The following SMCHD1 variants were observed in gnomAD, a reference collection of about 807,000 sequenced individuals.
SMCHD1 encodes structural maintenance of chromosomes flexible hinge domain-containing protein 1.
In SMCHD1, 78 loss-of-function variants were observed where a neutral mutation model predicts 254.7. The ratio of observed to expected loss-of-function variants is 0.31; its 90% CI spans 0.26 to 0.37. The LOEUF is 0.37. Among genes scored for constraint, SMCHD1 ranks in the 10% least tolerant of loss-of-function variants. The pLI is 1.00. For synonymous variants in SMCHD1, 766 were observed against 794.9 expected (o/e 0.96, Z 0.61); for missense variants, 1,840 against 2,408.1 (o/e 0.76, Z 4.94).
intron 45 of SMCHD1, among the ~76,000 whole-genome samples, chr18:2,793,037 A>G (rs1030411161): frequency 2.0e-5 from 3 of 152,212 alleles, no homozygotes; most frequent in Admixed American, 6.5e-5. Context: ...TTTCCCAGTC[A>G]TAAGTGCTTA....
At chr18:2,761,076 A>G (rs1251801084) in intron 35 of SMCHD1, among the ~76,000 whole-genome samples, 1 of 152,234 alleles carries the variant, frequency 6.6e-6, no homozygotes, top group East Asian at 1.9e-4. Flanking sequence ...TATTTCACAC[A>G]GCCATAACAA....
chr18:2,696,752 G>T (rs2074293914), intron 8 of SMCHD1, among the ~76,000 whole-genome samples: 1 of 152,178 alleles, frequency 6.6e-6, no homozygotes, highest in Admixed American at 6.5e-5. Flanking sequence ...GGTCTTTGAA[G>T]TTGGAAAGGT....
At chr18:2,728,299 GGATGAAACT>G in intron 22 of SMCHD1, 149 bp from the exon 23 acceptor site, 2 of 662,490 alleles carry the variant, frequency 3.0e-6, no homozygotes, top group East Asian at 5.8e-5. Flanking sequence ...GTGCATTTTG[GGATGAAACT>G]GATTAAGCAT....
At position 2,732,294 on chromosome 18, in the gene SMCHD1, G is replaced by A. The variant is rs2075156472; in HGVS notation, c.3078G>A (p.Lys1026=). The change falls in exon 25 of 48, where the codon AAG becomes AAA. Residue 1026 remains lysine, a synonymous_variant. Transcript: ENST00000320876. Reference sequence around the variant, plus strand: ...GTAAAGATGTGGCACCTGTGGAGAAGACTATTAAGTTGCTTCCCAGTAGCC... The same window carrying A: ...GTAAAGATGTGGCACCTGTGGAGAAAACTATTAAGTTGCTTCCCAGTAGCC... The part of the protein sequence containing the change: ...PSCKDVAPVE[K]TIKLLPSSHV... 1.2e-6 allele frequency: 2 copies of A among 1,613,564 alleles called. No homozygotes were observed. Among genetic ancestry groups the A allele is most frequent in the Non-Finnish European group, 8.5e-7 (1 of 1,179,742 alleles).
chr18:2,802,672 A>T lies in SMCHD1; in HGVS notation c.*120A>T. 1.2e-6 allele frequency: 1 copy of T among 836,984 alleles called. No homozygotes were observed. The highest frequency in any genetic ancestry group is 2.3e-5 in the South Asian group (1 of 43,454). The allele number at this position is 836,984 out of a possible 1,614,324, so 51.8% of individuals were successfully genotyped here. On this transcript the variant is annotated 3_prime_UTR_variant, in exon 48 of 48. Coordinates refer to ENST00000320876, the MANE Select transcript of SMCHD1 (RefSeq NM_015295.3). ...GAGTATTTCTGGGGACAATACAAGT[A>T]CCTGGGCATGAATTTCCATTTCGAT...
intron 45 of SMCHD1, among the ~76,000 whole-genome samples, chr18:2,786,753 A>G (rs1409543945): frequency 6.6e-6 from 1 of 152,148 alleles, no homozygotes; most frequent in East Asian, 1.9e-4. Flanking sequence ...TCCACTCCCT[A>G]CCACCACTCC....
intron 22 of SMCHD1, 115 bp from the exon 23 acceptor site, chr18:2,728,342 C>A: frequency 2.8e-6 from 3 of 1,071,144 alleles, no homozygotes; most frequent in African/African-American, 1.6e-5. Flanking sequence ...ATTTTTCTTT[C>A]TTGGCAATAT....
chr18:2,761,457 T>C (rs1245385343), intron 35 of SMCHD1, among the ~76,000 whole-genome samples: 1 of 152,172 alleles, frequency 6.6e-6, no homozygotes, highest in African/African-American at 2.4e-5. Flanking sequence ...AAATAAATAG[T>C]ATTTCAGTTA....
chr18:2,799,132 A>G (rs949012249), intron 47 of SMCHD1, among the ~76,000 whole-genome samples: 2 of 152,212 alleles, frequency 1.3e-5, no homozygotes, highest in Non-Finnish European at 2.9e-5. Context: ...TAAATTCTCT[A>G]GAAGCCATAT....
At chr18:2,701,090 T>G (rs1249372882) in intron 12 of SMCHD1, 172 bp downstream of exon 12, 2 of 478,834 alleles carry the variant, frequency 4.2e-6, no homozygotes, top group Non-Finnish European at 7.2e-6. Flanking sequence ...AAAGCTAATT[T>G]TTTAGTAATG....
At chr18:2,733,108 C>T (rs1055722850) in intron 25 of SMCHD1, among the ~76,000 whole-genome samples, 2 of 152,152 alleles carry the variant, frequency 1.3e-5, no homozygotes, top group African/African-American at 4.8e-5. Context: ...AAGTAGACAG[C>T]TTTTTAGCAT....
Position 2,656,060 on chromosome 18 carries a change from T to A in SMCHD1, c.-16T>A, listed in dbSNP as rs1169982734. On this transcript the variant is annotated 5_prime_UTR_variant, in exon 1 of 48. Transcript: ENST00000320876. ...GGCGGCGGCAGGCGTCGCTGTCTTT[T>A]CTCCTTTTCCCCAATATGGCAGCGG... 7.3e-7 allele frequency: 1 copy of A among 1,361,892 alleles called. No individual in the cohort carries two copies. The highest frequency in any genetic ancestry group is 9.5e-7 in the Non-Finnish European group (1 of 1,052,088). The allele number at this position is 1,361,892 out of a possible 1,614,324, so 84.4% of individuals were successfully genotyped here.
intron 7 of SMCHD1, among the ~76,000 whole-genome samples, chr18:2,693,923 G>A (rs945027566): frequency 7.2e-5 from 11 of 152,252 alleles, no homozygotes; most frequent in South Asian, 6.2e-4. Flanking sequence ...GAGCTACCAC[G>A]CCCGGCCTGC....
At chr18:2,787,153 A>C (rs972305610) in intron 45 of SMCHD1, among the ~76,000 whole-genome samples, 2 of 152,228 alleles carry the variant, frequency 1.3e-5, no homozygotes, top group African/African-American at 4.8e-5. Context: ...AAGAGCTGGC[A>C]TGTGCAAAGA....
At chr18:2,739,927 T>C (rs1175307612) in intron 27 of SMCHD1, among the ~76,000 whole-genome samples, 1 of 136,268 alleles carries the variant, frequency 7.3e-6, no homozygotes, top group Non-Finnish European at 1.6e-5. Context: ...CCTAAAAAAA[T>C]TCTTTTTTTT....
chr18:2,686,924 G>T (rs945020634), intron 5 of SMCHD1, among the ~76,000 whole-genome samples: 26 of 151,880 alleles, frequency 1.7e-4, no homozygotes, highest in Admixed American at 1.3e-3. Flanking sequence ...TGTTTCTTCT[G>T]TTTTCTCTTA....
chr18:2,800,144 A>C (rs893030368), intron 47 of SMCHD1, among the ~76,000 whole-genome samples: 1 of 151,952 alleles, frequency 6.6e-6, no homozygotes, highest in African/African-American at 2.4e-5. Flanking sequence ...TTGGATTCAG[A>C]GTCAGTTAGA....
intron 10 of SMCHD1, among the ~76,000 whole-genome samples, chr18:2,698,824 C>G (rs1286252617): frequency 1.3e-5 from 2 of 149,182 alleles, no homozygotes; most frequent in African/African-American, 4.9e-5. Flanking sequence ...GTACATAGGT[C>G]TAGATTCTTT....
intron 25 of SMCHD1, among the ~76,000 whole-genome samples, chr18:2,737,433 T>G (rs1459732829): frequency 6.6e-6 from 1 of 152,156 alleles, no homozygotes; most frequent in Non-Finnish European, 1.5e-5. Flanking sequence ...CTATTAGTGA[T>G]TTTAAGGCCA....
Sources: gnomAD v4.1 joint callset for allele counts (sites outside exome capture counted in the v4.1 genomes callset) on GRCh38, gnomAD v4.1.1 for gene constraint, MANE v1.5 for transcripts, NCBI Gene and HGNC (gene_info 2026-07-23, HGNC 2026-07-21) for gene names.